ATF1: variants seen among roughly 807,000 people sequenced by gnomAD.
The protein encoded by ATF1 is activating transcription factor 1, also known as cyclic AMP-dependent transcription factor ATF-1.
ATF1 carries 16 observed loss-of-function variants against 34.7 expected under a neutral mutation model. The observed-to-expected ratio is 0.46, with a 90% CI of 0.31 to 0.70. ATF1 has a LOEUF of 0.70. ATF1 is among the 30% of genes least tolerant of loss of function. The probability of loss-of-function intolerance (pLI) is 0.05; values close to 1 mark genes in which losing one functional copy is unlikely to be tolerated. For synonymous variants in ATF1, 105 were observed against 113.1 expected (o/e 0.93, Z 0.46); for missense variants, 255 against 321.6 (o/e 0.79, Z 1.58).
intron 3 of ATF1, among the ~76,000 whole-genome samples, chr12:50,808,420 C>G (rs1941662690): frequency 6.6e-6 from 1 of 151,328 alleles, no homozygotes; most frequent in Admixed American, 6.6e-5. Flanking sequence ...CCTCCGCCTC[C>G]CAGGTTCAAG....
At chr12:50,809,668 C>G (rs1941694168) in intron 4 of ATF1, 79 bp downstream of exon 4, 1 of 1,404,184 alleles carries the variant, frequency 7.1e-7, no homozygotes, top group Non-Finnish European at 9.7e-7. Context: ...GTTAGGAAAA[C>G]TGTAATACTT....
At position 50,820,653 on chromosome 12, in the gene ATF1, T is replaced by C. The variant is rs1226186977; in HGVS notation, c.*874T>C. The C allele has an allele frequency of 1.1e-5, 2 of 178,060 alleles. No individual in the cohort carries two copies. The highest frequency in any genetic ancestry group is 4.7e-5 in the African/African-American group (2 of 42,324). 11.0% of individuals were successfully genotyped at this position (178,060 alleles called of 1,614,324 possible). A position where few individuals can be genotyped will look rare whatever the true frequency, so the allele number is the denominator to read the frequency against. ...TTATTTTTAAAAAACCTTCTGAAGA[T>C]ACATACCAAAGTTTTTCCAAGAAGA... On this transcript the variant is annotated 3_prime_UTR_variant, in exon 7 of 7. Transcript: ENST00000262053.
At chr12:50,768,238 G>C (rs1329539119) in intron 1 of ATF1, among the ~76,000 whole-genome samples, 1 of 152,086 alleles carries the variant, frequency 6.6e-6, no homozygotes, top group Non-Finnish European at 1.5e-5. Context: ...GTCGTTTCTG[G>C]TTTAATATCT....
At chr12:50,818,999 A>G (rs1941896651) in intron 6 of ATF1, among the ~76,000 whole-genome samples, 3 of 152,250 alleles carry the variant, frequency 2.0e-5, no homozygotes, top group Admixed American at 2.0e-4. Flanking sequence ...TTGCTCAAGC[A>G]TTGTTTGTAA....
At chr12:50,796,336 A>G (rs1941408598) in intron 3 of ATF1, among the ~76,000 whole-genome samples, 1 of 152,178 alleles carries the variant, frequency 6.6e-6, no homozygotes, top group Admixed American at 6.5e-5. Context: ...TGAAGTTACA[A>G]TGATCTGTGA....
Position 50,797,643 on chromosome 12 carries a change from T to A in ATF1, c.194+1634T>A, listed in dbSNP as rs1056363947. On this transcript the variant is annotated intron_variant, in intron 3 of 6. Transcript: ENST00000262053. ...GCCATGATGCCCACCTAATTTTTTT[T>A]AATTTTTGGTAGAGATAGAGTCCCA... 7.9e-5 allele frequency among the ~76,000 whole-genome samples: 12 copies of A among 152,158 alleles called. No individual in the cohort carries two copies. The South Asian group carries it at 8.3e-4, about 11-fold the overall frequency.
intron 3 of ATF1, among the ~76,000 whole-genome samples, chr12:50,797,659 T>G (rs1592189677): frequency 6.6e-6 from 1 of 152,046 alleles, no homozygotes; most frequent in African/African-American, 2.4e-5. Context: ...TTGGTAGAGA[T>G]AGAGTCCCAC....
At chr12:50,787,106 C>A (rs140421352) in intron 2 of ATF1, among the ~76,000 whole-genome samples, 17 of 152,258 alleles carry the variant, frequency 1.1e-4, no homozygotes, top group African/African-American at 4.1e-4. Flanking sequence ...ACACACACAC[C>A]CTAGTGAAGA....
In ATF1 at chr12:50,784,629, C is replaced by T. The variant is rs567449061; in HGVS notation, c.93+4391C>T. On this transcript the variant is annotated intron_variant, in intron 2 of 6. Transcript: ENST00000262053. ...AATTTTTGTGTTTTGATCTGGGTGA[C>T]GTGGGGAACCTTTAGAGTGTTTTGA... is the stretch of plus-strand genomic sequence containing the variant. Among the ~76,000 whole-genome samples, 6 of 151,992 alleles carry T rather than the reference C, an allele frequency of 3.9e-5. No individual in the cohort carries two copies. The South Asian group carries it at 8.3e-4, about 21-fold the overall frequency.
intron 6 of ATF1, among the ~76,000 whole-genome samples, chr12:50,817,122 G>A (rs917503998): frequency 6.6e-6 from 1 of 152,130 alleles, no homozygotes; most frequent in Non-Finnish European, 1.5e-5. Context: ...TACAGTTGAC[G>A]TGGGTATACT....
chr12:50,795,888 T>G (rs1168267297), intron 2 of ATF1, 21 bp from the exon 3 acceptor site: 1 of 1,580,530 alleles, frequency 6.3e-7, no homozygotes, highest in Admixed American at 1.7e-5. Context: ...GTTCATCATG[T>G]TAATGCCAGT....
intron 2 of ATF1, among the ~76,000 whole-genome samples, chr12:50,785,944 C>T (rs1158869105): frequency 6.6e-6 from 1 of 152,088 alleles, no homozygotes; most frequent in African/African-American, 2.4e-5. Context: ...CATGACATCC[C>T]ATCATCTTTG....
Position 50,819,856 on chromosome 12 carries a change from A to G in ATF1, c.*77A>G. ...TCCTAGTGGAGTTTTATAAATTAAAAGGTCAAAACTGAAGCTTTTTATTTA... is the reference window on the plus strand; with the variant it reads ...TCCTAGTGGAGTTTTATAAATTAAAGGGTCAAAACTGAAGCTTTTTATTTA... On this transcript the variant is annotated 3_prime_UTR_variant, in exon 7 of 7. Transcript: ENST00000262053. The G allele has an allele frequency of 8.1e-7, 1 of 1,236,368 alleles. No homozygotes were observed. Among genetic ancestry groups the G allele is most frequent in the East Asian group, 2.4e-5 (1 of 41,342 alleles). 76.6% of individuals were successfully genotyped at this position (1,236,368 alleles called of 1,614,324 possible).
intron 4 of ATF1, 119 bp downstream of exon 4, chr12:50,809,708 C>A: frequency 8.9e-7 from 1 of 1,126,842 alleles, no homozygotes; most frequent in Non-Finnish European, 1.2e-6. Context: ...AGGATGTTTT[C>A]AGCCAGGAAT....
At chr12:50,775,808 A>AT (rs763130680) in intron 1 of ATF1, 6 of 152,112 alleles carry the variant, frequency 3.9e-5, no homozygotes, top group Admixed American at 6.5e-5. Context: ...TTTAAAAGGT[A>AT]TTTTTAGTAG....
At chr12:50,793,666 GGAAAA>G (rs1941350871) in intron 2 of ATF1, among the ~76,000 whole-genome samples, 1 of 146,284 alleles carries the variant, frequency 6.8e-6, no homozygotes, top group Non-Finnish European at 1.5e-5. Context: ...TGATGCTTGA[GGAAAA>G]GAAAAGTGAC....
intron 2 of ATF1, among the ~76,000 whole-genome samples, chr12:50,780,460 G>A (rs571683633): frequency 9.9e-5 from 15 of 151,058 alleles, no homozygotes; most frequent in East Asian, 3.9e-4. Context: ...TTCTCCTACC[G>A]CAGCCTCCCA....
chr12:50,812,068 T>A (rs994486375), intron 4 of ATF1, among the ~76,000 whole-genome samples: 1 of 152,244 alleles, frequency 6.6e-6, no homozygotes, highest in African/African-American at 2.4e-5. Context: ...TAATTTTGTT[T>A]AATTTTAGTT....
chr12:50,783,827 A>G (rs1934821196), intron 2 of ATF1, among the ~76,000 whole-genome samples: 1 of 147,932 alleles, frequency 6.8e-6, no homozygotes, highest in African/African-American at 2.5e-5. Flanking sequence ...AGATCATACC[A>G]CTGTACTCCA....
Sources: gnomAD v4.1 joint callset for allele counts (sites outside exome capture counted in the v4.1 genomes callset) on GRCh38, gnomAD v4.1.1 for gene constraint, MANE v1.5 for transcripts, NCBI Gene and HGNC (gene_info 2026-07-23, HGNC 2026-07-21) for gene names.